Variants in RIMBP2 observed in about 807,000 individuals in gnomAD.
RIMBP2 encodes RIMS-binding protein 2.
In RIMBP2, 48 loss-of-function variants were observed where a neutral mutation model predicts 118.6. The observed-to-expected ratio is 0.40, with a 90% CI of 0.32 to 0.51. The LOEUF (loss-of-function observed/expected upper bound fraction) is 0.51. RIMBP2 is among the 20% of genes least tolerant of loss of function. The probability of loss-of-function intolerance (pLI) is 0.41; values close to 1 mark genes in which losing one functional copy is unlikely to be tolerated. For synonymous variants in RIMBP2, 762 were observed against 742.9 expected, an observed-to-expected ratio of 1.03 and a Z score of -0.42; for missense variants, 1,551 against 1,768.3, an observed-to-expected ratio of 0.88 and a Z score of 2.20.
chr12:130,714,740 C>G (rs1190907009), intron 1 of RIMBP2, among the ~76,000 whole-genome samples: 1 of 152,230 alleles, frequency 6.6e-6, no homozygotes, highest in Non-Finnish European at 1.5e-5. Flanking sequence ...CCCCTCACAC[C>G]GTGCCCCCAG....
chr12:130,438,334 A>AGGCCCCCCCCCCCCCCCC, intron 12 of RIMBP2, 31 bp downstream of exon 12: 1 of 1,344,518 alleles, frequency 7.4e-7, no homozygotes, highest in Non-Finnish European at 1.1e-6. Context: ...GGGCCTAACA[A>AGGCCCCCCCCCCCCCCCC]ACCCTCCCCA....
intron 11 of RIMBP2, among the ~76,000 whole-genome samples, chr12:130,438,998 C>T (rs1030638626): frequency 2.0e-5 from 3 of 149,626 alleles, no homozygotes; most frequent in Non-Finnish European, 3.0e-5. Context: ...ACCTTTTCTT[C>T]TCTCTTTTCT....
chr12:130,424,147 G>A lies in RIMBP2; in HGVS notation c.3124C>T (p.Pro1042Ser), dbSNP rs756258630. Reference sequence around the variant, plus strand: ...AGGAAGTTTAGGTCACACACCAGGGGGCCTTGTGCGACTCTGGGAGGTGGC... The same window carrying A: ...AGGAAGTTTAGGTCACACACCAGGGAGCCTTGTGCGACTCTGGGAGGTGGC... The part of the protein sequence containing the change: ...AKPPPRVAQG[P>S]LILGNPASAG... The change falls in exon 16 of 23, where the codon CCC (proline) becomes TCC (serine). Residue 1042 changes from proline to serine, a missense_variant. Transcript: ENST00000690449. This position sits in a 1 kb window ranked among gnomAD's most constrained non-coding sequence, Gnocchi z 9.8. The A allele has an allele frequency of 1.2e-4, 148 of 1,229,080 alleles. No homozygotes were observed. The highest frequency in any genetic ancestry group is 1.4e-4 in the Non-Finnish European group (139 of 985,304). The allele number at this position is 1,229,080 out of a possible 1,614,324, so 76.1% of individuals were successfully genotyped here.
At position 130,424,002 on chromosome 12, in the gene RIMBP2, A is replaced by G; in HGVS notation, c.3129+140T>C. 2.3e-6 allele frequency: 1 copy of G among 436,506 alleles called. No homozygotes were observed. Among genetic ancestry groups the G allele is most frequent in the Non-Finnish European group, 3.8e-6 (1 of 261,608 alleles). The allele number at this position is 436,506 out of a possible 1,614,324, so 27.0% of individuals were successfully genotyped here. On this transcript the variant is annotated intron_variant, in intron 16 of 22. Transcript: ENST00000690449. The surrounding 1 kb of genome is among the most constrained non-coding windows in gnomAD (Gnocchi z 9.8). The stretch of plus-strand genomic sequence containing the variant: ...GTTGGGAAGCAAATCGGACTTGAGA[A>G]ATCAAAAATGCAGGGAAAACGAAAG...
At chr12:130,618,024 T>TTAACAAAAAAAA (rs71088771) in intron 2 of RIMBP2, among the ~76,000 whole-genome samples, 1 of 65,826 alleles carries the variant, frequency 1.5e-5, no homozygotes, top group Non-Finnish European at 3.1e-5. Context: ...AGACCTCTTC[T>TTAACAAAAAAAA]AAAAAAAAAA....
rs979918348 is a variant in RIMBP2, at chr12:130,431,447, T to C, written c.2254-3110A>G. On this transcript the variant is annotated intron_variant, in intron 14 of 22. Transcript: ENST00000690449. The surrounding 1 kb of genome is among the most constrained non-coding windows in gnomAD (Gnocchi z 4.0). ...TGATGCGTCACCTAGCCAGACGCCATCTGTATGATTAATGAATGTATTCTT... is the reference window on the plus strand; with the variant it reads ...TGATGCGTCACCTAGCCAGACGCCACCTGTATGATTAATGAATGTATTCTT... The C allele has an allele frequency of 2.2e-5, 9 of 412,934 alleles. No individual in the cohort carries two copies. Among genetic ancestry groups the C allele is most frequent in the African/African-American group, 1.4e-4 (7 of 49,584 alleles). The allele number at this position is 412,934 out of a possible 1,614,324, so 25.6% of individuals were successfully genotyped here.
rs1340385840 is a variant in RIMBP2 at position 130,413,872 on chromosome 12, A to G, written c.3420+253T>C. On this transcript the variant is annotated intron_variant, in intron 18 of 22. Coordinates refer to ENST00000690449, the MANE Select transcript of RIMBP2 (RefSeq NM_001393629.1). ...TATTTTTCTCAACAACGTAGGCCCT[A>G]ATAGAATCCAGAGTTCACAGGACAT... Among the ~76,000 whole-genome samples the G allele has an allele frequency of 5.3e-5, 8 of 152,296 alleles. No individual in the cohort carries two copies. The East Asian group carries it at 1.2e-3, about 22-fold the overall frequency.
At chr12:130,497,886 C>G (rs902778384) in intron 4 of RIMBP2, among the ~76,000 whole-genome samples, 3 of 152,114 alleles carry the variant, frequency 2.0e-5, no homozygotes, top group Admixed American at 6.6e-5. Context: ...ACAAGGAGTG[C>G]GCGGTGGGGA....
rs1405832749 is a variant in RIMBP2 at position 130,465,293 on chromosome 12, T to C, written c.153+5400A>G. ...AGGGCTGACATCACCTGAGGTTCAATGCCTCGCTCCAGGAGGAGACACCCA... is the reference window on the plus strand; with the variant it reads ...AGGGCTGACATCACCTGAGGTTCAACGCCTCGCTCCAGGAGGAGACACCCA... On this transcript the variant is annotated intron_variant, in intron 6 of 22. Coordinates refer to ENST00000690449, the MANE Select transcript of RIMBP2 (RefSeq NM_001393629.1). 2.0e-5 allele frequency: 3 copies of C among 152,360 alleles called. No individual in the cohort carries two copies. The East Asian group carries it at 5.8e-4, about 29-fold the overall frequency. The allele number at this position is 152,360 out of a possible 1,614,324, so 9.4% of individuals were successfully genotyped here. A position where few individuals can be genotyped will look rare whatever the true frequency, so the allele number is the denominator to read the frequency against.
intron 2 of RIMBP2, among the ~76,000 whole-genome samples, chr12:130,607,945 C>A (rs984206299): frequency 4.6e-5 from 7 of 152,098 alleles, no homozygotes; most frequent in African/African-American, 1.4e-4. Context: ...GAGGGCCAGG[C>A]GCAGAAGGTA....
intron 2 of RIMBP2, among the ~76,000 whole-genome samples, chr12:130,526,846 T>G (rs1193829804): frequency 6.6e-6 from 1 of 152,204 alleles, no homozygotes; most frequent in Non-Finnish European, 1.5e-5. Flanking sequence ...TAATATTTTT[T>G]CTTTCTGAAA....
At chr12:130,438,890 G>C (rs1403823209) in intron 11 of RIMBP2, among the ~76,000 whole-genome samples, 1 of 152,130 alleles carries the variant, frequency 6.6e-6, no homozygotes, top group Non-Finnish European at 1.5e-5. Context: ...TTAGCTCAGA[G>C]AGGGGCCAAC....
In RIMBP2 at chr12:130,438,351, C is replaced by A; in HGVS notation, c.1656+14G>T. 22 of 1,589,654 alleles carry A rather than the reference C, an allele frequency of 1.4e-5. No homozygotes were observed. Among genetic ancestry groups the A allele is most frequent in the Middle Eastern group, 1.7e-4 (1 of 6,004 alleles). ...GCCTAACAAACCCTCCCCACCCACC[C>A]AACGAAAACTCACCCTCTGCCCTTT... On this transcript the variant is annotated intron_variant, in intron 12 of 22. Transcript: ENST00000690449.
intron 1 of RIMBP2, among the ~76,000 whole-genome samples, chr12:130,706,622 T>A (rs1223590742): frequency 1.3e-5 from 2 of 152,262 alleles, no homozygotes; most frequent in Non-Finnish European, 2.9e-5. Context: ...GCCCAGTGAA[T>A]CTTGGCTGCT....
chr12:130,434,799 G>C lies in RIMBP2; in HGVS notation c.2188C>G (p.Pro730Ala), dbSNP rs770625205. 2 of 1,613,936 alleles carry C rather than the reference G, an allele frequency of 1.2e-6. No individual in the cohort carries two copies. The highest frequency in any genetic ancestry group is 3.3e-5 in the Admixed American group (2 of 60,024). Residue 730 changes from proline (P) to alanine (A), a missense_variant, in exon 14 of 23, where the codon CCA (proline) becomes GCA (alanine). Around this residue, in one of 5 missense-constraint regions of RIMBP2, gnomAD observed 1,038 missense variants for 1,125.1 expected, o/e 0.92. Coordinates refer to ENST00000690449, the MANE Select transcript of RIMBP2 (RefSeq NM_001393629.1). This position sits in a 1 kb window ranked among gnomAD's most constrained non-coding sequence, Gnocchi z 5.7. Reference sequence around the variant, plus strand: ...GAGGCGCCCCTCCTCTTGAAGTCTGGAGAGTCATAGGCGTCCTCCTCGTCT... The same window carrying C: ...GAGGCGCCCCTCCTCTTGAAGTCTGCAGAGTCATAGGCGTCCTCCTCGTCT... The part of the protein sequence containing the change: ...ASDEEDAYDS[P>A]DFKRRGASVD...
rs573392471 is a variant in RIMBP2, at chr12:130,688,828, C to T, written c.-352+27394G>A. 2.0e-5 allele frequency among the ~76,000 whole-genome samples: 3 copies of T among 152,244 alleles called. No individual in the cohort carries two copies. The highest frequency in any genetic ancestry group is 2.9e-5 in the Non-Finnish European group (2 of 68,050). ...TTCCAACTGCTCAGCTGAAACGTTT[C>T]GAACCAAGTCTAAACTCTGCAAAAC... On this transcript the variant is annotated intron_variant, in intron 1 of 22. Transcript: ENST00000690449. The surrounding 1 kb of genome is among the most constrained non-coding windows in gnomAD (Gnocchi z 4.7).
intron 4 of RIMBP2, among the ~76,000 whole-genome samples, chr12:130,495,557 T>C (rs895592179): frequency 1.3e-5 from 2 of 152,222 alleles, no homozygotes; most frequent in African/African-American, 2.4e-5. Context: ...CTGATTTTTT[T>C]TCTGAGCTCC....
rs1252586095 is a variant in RIMBP2, at chr12:130,451,305, C to T, written c.394G>A (p.Gly132Ser). ...TGCGGAAGGGGCCGGATATATTCAC[C>T]GATCGCAGAGCTGCCTCCAATAGCG... Reference protein sequence around the residue: ...ESAIGGSSAIGEYIRPLPQPG... With the variant: ...ESAIGGSSAISEYIRPLPQPG... The change falls in exon 8 of 23, where the codon GGT becomes AGT. Residue 132 changes from glycine to serine, a missense_variant. Gly to Ser is a moderately conservative substitution (Grantham distance 56, BLOSUM62 0). This residue lies in a region of RIMBP2 where 239 missense variants were observed against 256.8 expected (regional missense o/e 0.93). Coordinates refer to ENST00000690449, the MANE Select transcript of RIMBP2 (RefSeq NM_001393629.1). The T allele has an allele frequency of 9.9e-6, 16 of 1,613,990 alleles. No individual in the cohort carries two copies. Among genetic ancestry groups the T allele is most frequent in the Middle Eastern group, 1.6e-4 (1 of 6,062 alleles).
At chr12:130,477,981 G>A (rs1045472120) in intron 5 of RIMBP2, among the ~76,000 whole-genome samples, 1 of 152,176 alleles carries the variant, frequency 6.6e-6, no homozygotes, top group African/African-American at 2.4e-5. Flanking sequence ...GATGAGACCT[G>A]TTCACAGGTC....
Sources: allele counts gnomAD v4.1 joint callset (sites outside exome capture counted in the v4.1 genomes callset), GRCh38; gene constraint gnomAD v4.1.1; regional missense constraint gnomAD v4.1.1; non-coding constraint Gnocchi (gnomAD v3.1); transcripts MANE v1.5; gene names NCBI Gene and HGNC (gene_info 2026-07-23, HGNC 2026-07-21).